The following KCNQ5 variants were observed in gnomAD, a reference collection of about 807,000 sequenced individuals.
KCNQ5 encodes potassium voltage-gated channel subfamily KQT member 5.
Under a neutral mutation model 98.2 loss-of-function variants are expected in KCNQ5, and 30 were observed. The ratio of observed to expected loss-of-function variants is 0.31; its 90% CI spans 0.23 to 0.41. KCNQ5 has a LOEUF of 0.41. Among genes scored for constraint, KCNQ5 ranks in the 10% least tolerant of loss-of-function variants. The pLI is 1.00. For synonymous variants in KCNQ5, 458 were observed against 449.4 expected (o/e 1.02, Z -0.24); for missense variants, 835 against 1,182.5 (o/e 0.71, Z 4.31).
chr6:72,735,069 A>G (rs117129773), intron 1 of KCNQ5, among the ~76,000 whole-genome samples: 1 of 152,220 alleles, frequency 6.6e-6, no homozygotes, highest in Non-Finnish European at 1.5e-5. Flanking sequence ...CTACTTGTGG[A>G]TAGTTTAGCA....
intron 1 of KCNQ5, among the ~76,000 whole-genome samples, chr6:72,723,791 A>C (rs984735507): frequency 3.3e-5 from 5 of 152,210 alleles, no homozygotes; most frequent in African/African-American, 1.2e-4. Flanking sequence ...TTCAAAAAAA[A>C]AATCTATGAT....
chr6:72,995,666 G>A (rs1407147602), intron 1 of KCNQ5, among the ~76,000 whole-genome samples: 2 of 152,088 alleles, frequency 1.3e-5, no homozygotes, highest in Non-Finnish European at 2.9e-5. Flanking sequence ...AAAGAAATTC[G>A]GAAGATAAGG....
At chr6:72,707,408 G>A (rs1432044996) in intron 1 of KCNQ5, among the ~76,000 whole-genome samples, 1 of 152,030 alleles carries the variant, frequency 6.6e-6, no homozygotes, top group African/African-American at 2.4e-5. Flanking sequence ...CCTTATATGT[G>A]TGTACATATA....
intron 1 of KCNQ5, among the ~76,000 whole-genome samples, chr6:72,916,169 G>A (rs1780128128): frequency 1.3e-5 from 2 of 152,098 alleles, no homozygotes; most frequent in Admixed American, 1.3e-4. Flanking sequence ...GGAAACATTG[G>A]TAGTTTCTAT....
chr6:72,941,336 CCTTCCTTT>C (rs1766230660), intron 1 of KCNQ5, among the ~76,000 whole-genome samples: 1 of 42,922 alleles, frequency 2.3e-5, no homozygotes, highest in Non-Finnish European at 1.1e-4. Context: ...TTCCTTCCTT[CCTTCCTTT>C]CTTCCTTCCT....
At position 72,951,535 on chromosome 6, in the gene KCNQ5, G is replaced by C. The variant is rs569450221; in HGVS notation, c.399-52373G>C. Among the ~76,000 whole-genome samples, 14 of 151,256 alleles carry C rather than the reference G, an allele frequency of 9.3e-5. No individual in the cohort carries two copies. The South Asian group carries it at 2.1e-3, about 23-fold the overall frequency. On this transcript the variant is annotated intron_variant, in intron 1 of 13. Coordinates refer to ENST00000370398, the MANE Select transcript of KCNQ5 (RefSeq NM_019842.4). ...TTGACCTCAGGTGATCCACCCCCTTGGCCTCCCAAAGTGCTGGGATTACGG... is the reference window on the plus strand; with the variant it reads ...TTGACCTCAGGTGATCCACCCCCTTCGCCTCCCAAAGTGCTGGGATTACGG...
intron 1 of KCNQ5, among the ~76,000 whole-genome samples, chr6:72,767,288 A>T (rs1772622244): frequency 6.6e-6 from 1 of 152,056 alleles, no homozygotes; most frequent in Non-Finnish European, 1.5e-5. Context: ...TAGCCACATG[A>T]AAAAGAATGA....
At chr6:73,049,467 C>A (rs1297340446) in intron 3 of KCNQ5, among the ~76,000 whole-genome samples, 1 of 152,152 alleles carries the variant, frequency 6.6e-6, no homozygotes, top group Non-Finnish European at 1.5e-5. Flanking sequence ...GTGCTTTGTC[C>A]TTAGCCCATA....
chr6:72,794,973 C>T (rs1774252109), intron 1 of KCNQ5, among the ~76,000 whole-genome samples: 2 of 152,224 alleles, frequency 1.3e-5, no homozygotes, highest in Non-Finnish European at 1.5e-5. Flanking sequence ...TTGCTTCAGG[C>T]ATAGCTAGAT....
Position 73,105,430 on chromosome 6 carries a change from T to G in KCNQ5, c.1029+63T>G, listed in dbSNP as rs1452261910. The G allele has an allele frequency of 4.3e-6, 4 of 926,624 alleles. No individual in the cohort carries two copies. The African/African-American group carries it at 6.7e-5, about 16-fold the overall frequency. The allele number at this position is 926,624 out of a possible 1,614,324, so 57.4% of individuals were successfully genotyped here. ...ATCTTAGAGACTTATTAGAGTGAGC[T>G]CTCACAAATTCGTATGCTTGGGAAC... is the stretch of plus-strand genomic sequence containing the variant. On this transcript the variant is annotated intron_variant, in intron 6 of 13. Coordinates refer to ENST00000370398, the MANE Select transcript of KCNQ5 (RefSeq NM_019842.4).
chr6:72,913,743 A>G (rs1780031195), intron 1 of KCNQ5, among the ~76,000 whole-genome samples: 2 of 152,246 alleles, frequency 1.3e-5, no homozygotes, highest in South Asian at 4.1e-4. Flanking sequence ...CCCTGTAAGA[A>G]AAGACAGATT....
intron 3 of KCNQ5, among the ~76,000 whole-genome samples, chr6:73,066,211 TCAACCATTTG>T (rs1185905285): frequency 3.3e-5 from 5 of 152,186 alleles, no homozygotes; most frequent in Non-Finnish European, 7.3e-5. Flanking sequence ...TACCTGAATA[TCAACCATTTG>T]CAAGTAGTTA....
At chr6:72,778,058 G>A (rs1773252759) in intron 1 of KCNQ5, among the ~76,000 whole-genome samples, 1 of 152,128 alleles carries the variant, frequency 6.6e-6, no homozygotes, top group African/African-American at 2.4e-5. Flanking sequence ...AAACATGAAC[G>A]TGGATGCCAT....
At chr6:73,124,757 G>T in intron 9 of KCNQ5, 1 of 537,224 alleles carries the variant, frequency 1.9e-6, no homozygotes, top group Non-Finnish European at 3.3e-6. Context: ...GGAGGTGGGG[G>T]AGGAGGGGAA....
chr6:72,871,512 GA>G (rs1778204708), intron 1 of KCNQ5, among the ~76,000 whole-genome samples: 1 of 152,102 alleles, frequency 6.6e-6, no homozygotes, highest in Non-Finnish European at 1.5e-5. Flanking sequence ...AATCACTAAA[GA>G]AATAGCTACT....
intron 10 of KCNQ5, among the ~76,000 whole-genome samples, chr6:73,159,523 C>A (rs1033356923): frequency 1.3e-5 from 2 of 152,164 alleles, no homozygotes; most frequent in Non-Finnish European, 2.9e-5. Context: ...GCTGATTATA[C>A]ATTAAGTATT....
At chr6:72,709,752 C>A (rs533557849) in intron 1 of KCNQ5, among the ~76,000 whole-genome samples, 25 of 152,178 alleles carry the variant, frequency 1.6e-4, no homozygotes, top group Admixed American at 3.9e-4. Flanking sequence ...ACAGAGATTA[C>A]CCTCTGGTGG....
chr6:72,822,672 G>A (rs925567964), intron 1 of KCNQ5, among the ~76,000 whole-genome samples: 13 of 152,108 alleles, frequency 8.5e-5, no homozygotes, highest in Non-Finnish European at 1.6e-4. Flanking sequence ...GAATAGGACA[G>A]CAAATCAATC....
At chr6:72,917,991 G>A (rs1222746559) in intron 1 of KCNQ5, among the ~76,000 whole-genome samples, 1 of 152,220 alleles carries the variant, frequency 6.6e-6, no homozygotes, top group East Asian at 1.9e-4. Context: ...CTGCCCACTA[G>A]ACGCAATAGC....
Sources: allele counts gnomAD v4.1 joint callset (sites outside exome capture counted in the v4.1 genomes callset), GRCh38; gene constraint gnomAD v4.1.1; transcripts MANE v1.5; gene names NCBI Gene and HGNC (gene_info 2026-07-23, HGNC 2026-07-21).